SORBS2: variants seen among roughly 807,000 people sequenced by gnomAD.
The protein encoded by SORBS2 is sorbin and SH3 domain containing 2, also known as sorbin and SH3 domain-containing protein 2.
SORBS2 carries 46 observed loss-of-function variants against 97.7 expected under a neutral mutation model. The observed-to-expected ratio is 0.47, with a 90% CI of 0.37 to 0.60. The LOEUF is 0.60. Among genes scored for constraint, SORBS2 ranks in the 20% least tolerant of loss-of-function variants. The probability of loss-of-function intolerance (pLI) is 0.00; values close to 1 mark genes in which losing one functional copy is unlikely to be tolerated. For missense variants in SORBS2, 1,316 were observed against 1,282.3 expected, an observed-to-expected ratio of 1.03 and a Z score of -0.40; for synonymous variants, 476 against 473.4, an observed-to-expected ratio of 1.01 and a Z score of -0.07.
chr4:185,632,954 A>C (rs1236126339), intron 4 of SORBS2, among the ~76,000 whole-genome samples: 1 of 152,218 alleles, frequency 6.6e-6, no homozygotes, highest in African/African-American at 2.4e-5. Flanking sequence ...TTGTACAATA[A>C]TTGTAAGAAG....
intron 1 of SORBS2, among the ~76,000 whole-genome samples, chr4:185,880,929 A>G (rs760813506): frequency 1.3e-4 from 20 of 152,164 alleles, no homozygotes; most frequent in Non-Finnish European, 2.1e-4. Context: ...CTATGTAGAC[A>G]CAGCACTGAG....
chr4:185,695,203 A>G (rs1561963376), intron 2 of SORBS2, among the ~76,000 whole-genome samples: 1 of 152,064 alleles, frequency 6.6e-6, no homozygotes, highest in Non-Finnish European at 1.5e-5. Context: ...TGTTTTGATT[A>G]TCAGGCATCC....
At chr4:185,780,007 ATTTTTTTTTTT>A (rs538693770) in intron 1 of SORBS2, among the ~76,000 whole-genome samples, 11 of 98,086 alleles carry the variant, frequency 1.1e-4, no homozygotes, top group African/African-American at 4.6e-4. Flanking sequence ...GTAGAGTAAC[ATTTTTTTTTTT>A]TTTTTTTTTT....
At chr4:185,897,673 A>G (rs1011796376) in intron 1 of SORBS2, among the ~76,000 whole-genome samples, 6 of 152,184 alleles carry the variant, frequency 3.9e-5, no homozygotes, top group Middle Eastern at 3.2e-3. Flanking sequence ...TCCACAGCCT[A>G]CAACAGGTAT....
At chr4:185,816,777 A>G (rs956881329) in intron 1 of SORBS2, among the ~76,000 whole-genome samples, 1 of 152,232 alleles carries the variant, frequency 6.6e-6, no homozygotes, top group Non-Finnish European at 1.5e-5. Context: ...TTATCAAATG[A>G]ATTTAAAATG....
chr4:185,620,759 C>T (rs1036539858), intron 7 of SORBS2, among the ~76,000 whole-genome samples: 3 of 152,184 alleles, frequency 2.0e-5, no homozygotes, highest in Admixed American at 6.5e-5. Flanking sequence ...TTATCTACGA[C>T]CTTCCTTTGT....
chr4:185,849,401 CAGAT>C (rs1561232450), intron 1 of SORBS2, among the ~76,000 whole-genome samples: 1 of 151,830 alleles, frequency 6.6e-6, no homozygotes, highest in South Asian at 2.1e-4. Context: ...GTCCAATCGA[CAGAT>C]AAAGAATTTA....
chr4:185,875,502 A>G (rs1319072270), intron 1 of SORBS2, among the ~76,000 whole-genome samples: 1 of 152,252 alleles, frequency 6.6e-6, no homozygotes, highest in East Asian at 1.9e-4. Flanking sequence ...CTGCATAGGA[A>G]GTATGTTTGT....
At chr4:185,850,070 C>G (rs1469375998) in intron 1 of SORBS2, among the ~76,000 whole-genome samples, 1 of 152,210 alleles carries the variant, frequency 6.6e-6, no homozygotes, top group African/African-American at 2.4e-5. Context: ...GAATTGGTCT[C>G]TGGCTTGTTA....
chr4:185,852,519 A>G (rs1278819336), intron 1 of SORBS2, among the ~76,000 whole-genome samples: 2 of 152,186 alleles, frequency 1.3e-5, no homozygotes, highest in Admixed American at 1.3e-4. Flanking sequence ...AACTCAGGTC[A>G]TTTGGTTGTT....
At chr4:185,642,199 G>T (rs951950930) in intron 4 of SORBS2, among the ~76,000 whole-genome samples, 22 of 152,088 alleles carry the variant, frequency 1.4e-4, no homozygotes, top group Non-Finnish European at 1.8e-4. Context: ...GTTAAGTATT[G>T]ACTGACAATC....
intron 1 of SORBS2, among the ~76,000 whole-genome samples, chr4:185,853,687 A>G (rs977856349): frequency 1.3e-5 from 2 of 152,334 alleles, no homozygotes; most frequent in Admixed American, 1.3e-4. Flanking sequence ...TGTATATGGT[A>G]TTATAAAAGA....
intron 1 of SORBS2, among the ~76,000 whole-genome samples, chr4:185,865,190 G>A (rs2099226138): frequency 6.6e-6 from 1 of 152,180 alleles, no homozygotes; most frequent in Non-Finnish European, 1.5e-5. Flanking sequence ...ATTATTCAAA[G>A]AGAATAGTTC....
upstream of SORBS2, among the ~76,000 whole-genome samples, chr4:185,661,660 G>A (rs2097524073): frequency 6.6e-6 from 1 of 152,104 alleles, no homozygotes; most frequent in Admixed American, 6.5e-5. Context: ...GTAGATGACT[G>A]CGTCCCTGCT....
intron 1 of SORBS2, among the ~76,000 whole-genome samples, chr4:185,824,375 A>G (rs574096393): frequency 2.0e-5 from 3 of 152,304 alleles, no homozygotes; most frequent in South Asian, 4.1e-4. Flanking sequence ...TCATTGAATG[A>G]GGGCCCACCT....
chr4:185,686,990 A>G (rs2097976319), intron 2 of SORBS2, among the ~76,000 whole-genome samples: 1 of 152,188 alleles, frequency 6.6e-6, no homozygotes, highest in African/African-American at 2.4e-5. Flanking sequence ...TTTTGGAAAA[A>G]CTGGGATTTT....
At chr4:185,847,881 CA>C (rs1410269354) in intron 1 of SORBS2, among the ~76,000 whole-genome samples, 3 of 152,144 alleles carry the variant, frequency 2.0e-5, no homozygotes, top group Admixed American at 2.0e-4. Context: ...CTAGTCTCAT[CA>C]AAGAGCAAAC....
chr4:185,690,166 A>T (rs1401195404), intron 2 of SORBS2, among the ~76,000 whole-genome samples: 1 of 152,230 alleles, frequency 6.6e-6, no homozygotes, highest in Non-Finnish European at 1.5e-5. Context: ...CTATCTGCTG[A>T]CTTCTTCAAC....
intron 4 of SORBS2, among the ~76,000 whole-genome samples, chr4:185,666,905 G>C (rs1256881319): frequency 6.6e-6 from 1 of 152,156 alleles, no homozygotes; most frequent in Non-Finnish European, 1.5e-5. Context: ...AGGTAAAGGA[G>C]AAAGAAACTG....
Sources: gnomAD v4.1 joint callset for allele counts (sites outside exome capture counted in the v4.1 genomes callset) on GRCh38, gnomAD v4.1.1 for gene constraint, MANE v1.5 for transcripts, NCBI Gene and HGNC (gene_info 2026-07-23, HGNC 2026-07-21) for gene names.